The following MIPOL1 variants were observed in gnomAD, a reference collection of about 807,000 sequenced individuals.
MIPOL1 encodes mirror-image polydactyly 1, also known as mirror-image polydactyly gene 1 protein.
Under a neutral mutation model 60.9 loss-of-function variants are expected in MIPOL1, and 57 were observed. That is an observed-to-expected ratio of 0.94 (90% CI 0.76 to 1.17). The LOEUF (loss-of-function observed/expected upper bound fraction) is 1.17, where lower values mean the gene tolerates loss of function less well. Among genes scored for constraint, MIPOL1 ranks in the 50% most tolerant of loss-of-function variants. MIPOL1 has a pLI of 0.00. For synonymous variants in MIPOL1, 179 were observed against 168.8 expected, an observed-to-expected ratio of 1.06 and a Z score of -0.47; for missense variants, 551 against 511.6, an observed-to-expected ratio of 1.08 and a Z score of -0.74.
intron 11 of MIPOL1, among the ~76,000 whole-genome samples, chr14:37,483,575 A>G (rs2153600250): frequency 6.6e-6 from 1 of 152,270 alleles, no homozygotes; most frequent in East Asian, 1.9e-4. Context: ...GGTTCCTCCA[A>G]AAACTAAAAA....
intron 11 of MIPOL1, among the ~76,000 whole-genome samples, chr14:37,444,037 G>C (rs908140319): frequency 2.0e-5 from 3 of 152,062 alleles, no homozygotes; most frequent in Admixed American, 2.0e-4. Flanking sequence ...TGATTTCTAT[G>C]TAAGATCAAG....
chr14:37,241,204 G>A (rs754448255), intron 1 of MIPOL1, among the ~76,000 whole-genome samples: 5 of 152,096 alleles, frequency 3.3e-5, no homozygotes, highest in Non-Finnish European at 7.3e-5. Flanking sequence ...CCCAGCTGAA[G>A]GCAGTAAGGC....
chr14:37,446,832 C>A (rs1485038389), intron 11 of MIPOL1, among the ~76,000 whole-genome samples: 1 of 151,736 alleles, frequency 6.6e-6, no homozygotes, highest in East Asian at 1.9e-4. Context: ...GGACAAAAAA[C>A]CAAACACCGC....
intron 1 of MIPOL1, among the ~76,000 whole-genome samples, chr14:37,205,263 C>T (rs952843740): frequency 2.1e-4 from 32 of 152,098 alleles, no homozygotes; most frequent in African/African-American, 7.5e-4. Flanking sequence ...CTACCACGCC[C>T]AGCTAATTTT....
intron 10 of MIPOL1, among the ~76,000 whole-genome samples, chr14:37,386,448 G>A (rs977859814): frequency 2.6e-5 from 4 of 151,820 alleles, no homozygotes; most frequent in African/African-American, 9.7e-5. Flanking sequence ...TCTGTCTTTT[G>A]ACAATAAATT....
At chr14:37,330,111 G>A (rs2089540526) in intron 9 of MIPOL1, among the ~76,000 whole-genome samples, 1 of 152,090 alleles carries the variant, frequency 6.6e-6, no homozygotes, top group Non-Finnish European at 1.5e-5. Context: ...GACCTTTTAT[G>A]TGGTAATTTT....
At chr14:37,292,485 T>TTTTTTG (rs2085186770) in intron 7 of MIPOL1, among the ~76,000 whole-genome samples, 1 of 143,950 alleles carries the variant, frequency 6.9e-6, no homozygotes, top group South Asian at 2.3e-4. Flanking sequence ...TTTTTTTTTT[T>TTTTTTG]TTTTTGAGAA....
chr14:37,308,423 T>C lies in MIPOL1; in HGVS notation c.732T>C (p.Ile244=). 6.2e-7 allele frequency: 1 copy of C among 1,606,650 alleles called. No homozygotes were observed. The highest frequency in any genetic ancestry group is 8.5e-7 in the Non-Finnish European group (1 of 1,177,338). ...CTATTCAGAAGAATGGAGCTATAATTGTGGATAGAATCTACAAGACCAAGG... is the reference window on the plus strand; with the variant it reads ...CTATTCAGAAGAATGGAGCTATAATCGTGGATAGAATCTACAAGACCAAGG... ...GIAIQKNGAI[I]VDRIYKTKEC... The change falls in exon 9 of 13, where the codon ATT becomes ATC. Residue 244 remains isoleucine (I), a synonymous_variant. Transcript: ENST00000684589.
intron 1 of MIPOL1, among the ~76,000 whole-genome samples, chr14:37,217,773 A>T (rs1028775453): frequency 1.3e-5 from 2 of 152,220 alleles, no homozygotes; most frequent in African/African-American, 2.4e-5. Flanking sequence ...ACTGACCCAC[A>T]GTTAATATCA....
intron 1 of MIPOL1, among the ~76,000 whole-genome samples, chr14:37,210,390 A>G (rs1966731723): frequency 6.6e-6 from 1 of 152,062 alleles, no homozygotes; most frequent in African/African-American, 2.4e-5. Flanking sequence ...AGCGGCTCAC[A>G]GAACTCAGGG....
intron 11 of MIPOL1, among the ~76,000 whole-genome samples, chr14:37,499,262 G>A (rs1420668581): frequency 6.6e-6 from 1 of 151,882 alleles, no homozygotes; most frequent in African/African-American, 2.4e-5. Flanking sequence ...CATTCATTTA[G>A]TCTTAATTTA....
chr14:37,415,635 A>AAG (rs2093755276), intron 10 of MIPOL1, among the ~76,000 whole-genome samples: 2 of 151,570 alleles, frequency 1.3e-5, no homozygotes, highest in Admixed American at 1.3e-4. Flanking sequence ...TCTCAAAAAA[A>AAG]AAAAAAAAAA....
At chr14:37,307,893 G>A (rs1323072714) in intron 7 of MIPOL1, among the ~76,000 whole-genome samples, 163 bp from the exon 8 acceptor site, 2 of 152,028 alleles carry the variant, frequency 1.3e-5, no homozygotes, top group Admixed American at 6.6e-5. Context: ...ATTATTGAAA[G>A]ATGGAGTCGA....
chr14:37,296,489 C>A (rs1486240249), intron 7 of MIPOL1, among the ~76,000 whole-genome samples: 2 of 152,070 alleles, frequency 1.3e-5, no homozygotes, highest in Non-Finnish European at 2.9e-5. Flanking sequence ...ACACAAAAAA[C>A]CATTCAAAAA....
intron 12 of MIPOL1, among the ~76,000 whole-genome samples, chr14:37,524,944 G>C (rs1479138115): frequency 6.6e-6 from 1 of 152,030 alleles, no homozygotes; most frequent in Admixed American, 6.6e-5. Context: ...GAAATAAAAT[G>C]AGCATGATTA....
At chr14:37,255,578 C>A (rs1163238576) in intron 3 of MIPOL1, among the ~76,000 whole-genome samples, 1 of 151,704 alleles carries the variant, frequency 6.6e-6, no homozygotes, top group African/African-American at 2.4e-5. Flanking sequence ...TCAAAACAAC[C>A]TGTCATGTAG....
chr14:37,392,825 T>C (rs980353769), intron 10 of MIPOL1, among the ~76,000 whole-genome samples: 1 of 152,170 alleles, frequency 6.6e-6, no homozygotes, highest in African/African-American at 2.4e-5. Flanking sequence ...AAGTAAGTTA[T>C]AGTTTATTAA....
rs561762278 is a variant in MIPOL1 at position 37,335,557 on chromosome 14, A to G, written c.828+27038A>G. Among the ~76,000 whole-genome samples, 7 of 152,124 alleles carry G rather than the reference A, an allele frequency of 4.6e-5. No homozygotes were observed. In the East Asian group the frequency reaches 1.4e-3, roughly 29 times the overall value. On this transcript the variant is annotated intron_variant, in intron 9 of 12. Coordinates refer to ENST00000684589, the MANE Select transcript of MIPOL1 (RefSeq NM_001388067.1). ...TATTTCATAATGCACAATGTCATCA[A>G]TGTTGATTTATGTTGAAGTGTATAT...
chr14:37,360,738 A>G (rs974360571), intron 9 of MIPOL1, among the ~76,000 whole-genome samples: 1 of 152,074 alleles, frequency 6.6e-6, no homozygotes, highest in Non-Finnish European at 1.5e-5. Flanking sequence ...CTAGCAGTCT[A>G]TCAATTTTGT....
Sources: allele counts gnomAD v4.1 joint callset (sites outside exome capture counted in the v4.1 genomes callset), GRCh38; gene constraint gnomAD v4.1.1; transcripts MANE v1.5; gene names NCBI Gene and HGNC (gene_info 2026-07-23, HGNC 2026-07-21).